NOXO1: variants seen among roughly 807,000 people sequenced by gnomAD.
NOXO1 encodes NADPH oxidase organizer 1.
In NOXO1, 38 loss-of-function variants were observed where a neutral mutation model predicts 33.3. That is an observed-to-expected ratio of 1.14 (90% confidence interval 0.88 to 1.50). The LOEUF (loss-of-function observed/expected upper bound fraction) is 1.50, where lower values mean the gene tolerates loss of function less well. Ranked by LOEUF, NOXO1 falls within the 40% of genes most tolerant of loss-of-function variation. The probability of loss-of-function intolerance (pLI) is 0.00; values close to 1 mark genes in which losing one functional copy is unlikely to be tolerated. For synonymous variants in NOXO1, 302 were observed against 237.3 expected (o/e 1.27, Z -2.51); for missense variants, 675 against 527.1 (o/e 1.28, Z -2.75).
Position 1,979,176 on chromosome 16 carries a change from G to T in NOXO1, c.992C>A (p.Ser331Ter). ...GCAGCGGCTCTGGATGGCGCCCGGC[G>T]AAGGTCGGGTGGGCACGGTGGGGGG... ...APPPTVPTRP[S>*]PGAIQSRCCT... The change falls in exon 8 of 8, where the codon TCG becomes TAG. Residue 331 changes from serine (S) to a stop codon, truncating the protein, a stop_gained. Transcript: ENST00000356120. LOFTEE classifies it low-confidence loss of function (END_TRUNC). 1 of 1,456,254 alleles carries T rather than the reference G, an allele frequency of 6.9e-7. No individual in the cohort carries two copies. Among genetic ancestry groups the T allele is most frequent in the Non-Finnish European group, 9.0e-7 (1 of 1,113,314 alleles). 90.2% of individuals were successfully genotyped at this position (1,456,254 alleles called of 1,614,324 possible). A position where few individuals can be genotyped will look rare whatever the true frequency, so the allele number is the denominator to read the frequency against.
At position 1,979,121 on chromosome 16, in the gene NOXO1, C is replaced by A; in HGVS notation, c.1047G>T (p.Arg349=). The part of the protein sequence containing the change: ...CCTVTRRALE[R]RPRRQGRPRG... ...GAGGGCGGCCCTGGCGCCGTGGGCG[C>A]CGCTCCAGGGCCCTGCGTGTGACGG... The change falls in exon 8 of 8, where the codon CGG becomes CGT. Residue 349 remains arginine, a synonymous_variant. Transcript: ENST00000356120. The A allele has an allele frequency of 6.7e-7, 1 of 1,488,632 alleles. No homozygotes were observed. Among genetic ancestry groups the A allele is most frequent in the Non-Finnish European group, 8.8e-7 (1 of 1,133,872 alleles). The allele number at this position is 1,488,632 out of a possible 1,614,324, so 92.2% of individuals were successfully genotyped here.
chr16:1,980,919 G>T lies in NOXO1; in HGVS notation c.147+20C>A, dbSNP rs766699049. The T allele has an allele frequency of 6.2e-7, 1 of 1,607,516 alleles. No individual in the cohort carries two copies. The highest frequency in any genetic ancestry group is 2.2e-5 in the East Asian group (1 of 44,820). On this transcript the variant is annotated intron_variant, in intron 2 of 7. Transcript: ENST00000356120. The stretch of plus-strand genomic sequence containing the variant: ...GGGGAAGCCGCCACCGCGGCATCAG[G>T]GTGGCCCAGGGTCACTCACCTTGAG...
In NOXO1 at chr16:1,979,523, G is replaced by T. The variant is rs150628810; in HGVS notation, c.720C>A (p.Ser240=). 1.2e-6 allele frequency: 2 copies of T among 1,611,112 alleles called. No homozygotes were observed. The highest frequency in any genetic ancestry group is 2.7e-5 in the African/African-American group (2 of 74,878). Residue 240 remains serine, a synonymous_variant, in exon 7 of 8, where the codon TCC becomes TCA. Transcript: ENST00000356120. ...LGSSGPQFCA[S]RAYESSRADE... ...CTGCGCGGCTGCTCTCGTAGGCGCG[G>T]GAAGCACAGAACTGGGGACCTGGTG...
chr16:1,980,384 G>C lies in NOXO1; in HGVS notation c.384C>G (p.Pro128=). 6.2e-7 allele frequency: 1 copy of C among 1,601,524 alleles called. No homozygotes were observed. ...TCAGGCACCTGCCGGGTGGCAGCGCGGGCTCCAGGTCCAGGGGTTGCGGTG... is the reference window on the plus strand; with the variant it reads ...TCAGGCACCTGCCGGGTGGCAGCGCCGGCTCCAGGTCCAGGGGTTGCGGTG... The part of the protein sequence containing the change: ...FFAPQPLDLE[P]ALPPGSRVIL... Residue 128 remains proline (P), a synonymous_variant, in exon 4 of 8, where the codon CCC becomes CCG. Transcript: ENST00000356120.
chr16:1,980,211 G>A (rs1008102961), intron 4 of NOXO1, 30 bp from the exon 5 acceptor site: 29 of 1,573,988 alleles, frequency 1.8e-5, no homozygotes, highest in Admixed American at 5.5e-5. Flanking sequence ...CGAGTGAGAG[G>A]TAGGCGGATG....
At position 1,979,906 on chromosome 16, in the gene NOXO1, G is replaced by C; in HGVS notation, c.587-3C>G. On this transcript the variant is annotated splice_polypyrimidine_tract_variant and splice_region_variant and intron_variant, in intron 5 of 7. Coordinates refer to ENST00000356120, the MANE Select transcript of NOXO1 (RefSeq NM_172167.3). Reference sequence around the variant, plus strand: ...TTCGTTCTCCACCAGCCACCAGCCTGTGCGCAAGAAGCGGGCAGGGACTCA... The same window carrying C: ...TTCGTTCTCCACCAGCCACCAGCCTCTGCGCAAGAAGCGGGCAGGGACTCA... 6.3e-7 allele frequency: 1 copy of C among 1,581,886 alleles called. No homozygotes were observed. The highest frequency in any genetic ancestry group is 8.6e-7 in the Non-Finnish European group (1 of 1,164,638).
intron 3 of NOXO1, 22 bp from the exon 4 acceptor site, chr16:1,980,566 ACT>A: frequency 6.3e-7 from 1 of 1,598,650 alleles, no homozygotes; most frequent in Non-Finnish European, 8.5e-7. Flanking sequence ...ACAAAAACGT[ACT>A]GTGATACGCC....
chr16:1,979,708 C>A, intron 6 of NOXO1, 82 bp downstream of exon 6: 1 of 1,275,052 alleles, frequency 7.8e-7, no homozygotes, highest in Non-Finnish European at 1.1e-6. Context: ...TCCTGGCCCG[C>A]CCTGCCCGCG....
At position 1,980,697 on chromosome 16, in the gene NOXO1, C is replaced by T; in HGVS notation, c.182G>A (p.Gly61Asp). ...AACGCGGTCAGATCTCCGCAGCAGG[C>T]CCGCCTCCACCGGGAAGGTCTCCTT... is the stretch of plus-strand genomic sequence containing the variant. ...TLKETFPVEA[G>D]LLRRSDRVLP... The change falls in exon 3 of 8, where the codon GGC becomes GAC. Residue 61 changes from glycine (G) to aspartate (D), a missense_variant. Transcript: ENST00000356120. The T allele has an allele frequency of 6.2e-7, 1 of 1,606,222 alleles. No individual in the cohort carries two copies. The highest frequency in any genetic ancestry group is 8.5e-7 in the Non-Finnish European group (1 of 1,176,804).
At position 1,979,374 on chromosome 16, in the gene NOXO1, G is replaced by A. The variant is rs754822620; in HGVS notation, c.819-25C>T. 9.4e-6 allele frequency: 15 copies of A among 1,588,072 alleles called. No homozygotes were observed. In the African/African-American group the frequency reaches 1.5e-4, roughly 16 times the overall value. On this transcript the variant is annotated intron_variant, in intron 7 of 7. Transcript: ENST00000356120. ...CCTGCGAGGGGCGGGGTGTGGTTAG[G>A]GCCCCGCCCGCCTCGGCTAGCCTGC...
Position 1,979,538 on chromosome 16 carries a change from G to T in NOXO1, c.705C>A (p.Pro235=), listed in dbSNP as rs748032662. Residue 235 remains proline, a synonymous_variant, in exon 7 of 8, where the codon CCC becomes CCA. Transcript: ENST00000356120. ...CGTAGGCGCGGGAAGCACAGAACTGGGGACCTGGTGGGAGTGGGTGTTTGG... is the reference window on the plus strand; with the variant it reads ...CGTAGGCGCGGGAAGCACAGAACTGTGGACCTGGTGGGAGTGGGTGTTTGG... The part of the protein sequence containing the change: ...EGGPSLGSSG[P]QFCASRAYES... 1 of 1,608,622 alleles carries T rather than the reference G, an allele frequency of 6.2e-7. No individual in the cohort carries two copies. Among genetic ancestry groups the T allele is most frequent in the African/African-American group, 1.3e-5 (1 of 74,948 alleles).
chr16:1,980,118 G>A lies in NOXO1; in HGVS notation c.465C>T (p.Ile155=). ...PLSRAAGRLS[I]HSLEAQSLRC... is the part of the protein sequence containing the mutation. ...GCAGGCTCTGAGCCTCCAGACTGTG[G>A]ATGGAGAGGCGGCCCGCAGCGCGAG... Residue 155 remains isoleucine (I), a synonymous_variant, in exon 5 of 8, where the codon ATC becomes ATT. Transcript: ENST00000356120. The A allele has an allele frequency of 6.2e-7, 1 of 1,608,386 alleles. No individual in the cohort carries two copies. Among genetic ancestry groups the A allele is most frequent in the Non-Finnish European group, 8.5e-7 (1 of 1,178,970 alleles).
chr16:1,980,787 G>A (rs975339367), intron 2 of NOXO1, 56 bp from the exon 3 acceptor site: 33 of 1,533,832 alleles, frequency 2.2e-5, no homozygotes, highest in Non-Finnish European at 7.1e-6. Context: ...ACCCTTGAGA[G>A]GGCGGGGTCC....
chr16:1,980,695 G>A lies in NOXO1; in HGVS notation c.184C>T (p.Leu62=), dbSNP rs1199553970. 2.5e-6 allele frequency: 4 copies of A among 1,606,874 alleles called. No homozygotes were observed. Among genetic ancestry groups the A allele is most frequent in the Non-Finnish European group, 2.5e-6 (3 of 1,177,076 alleles). ...LKETFPVEAG[L]LRRSDRVLPK... Reference sequence around the variant, plus strand: ...AGAACGCGGTCAGATCTCCGCAGCAGGCCCGCCTCCACCGGGAAGGTCTCC... The same window carrying A: ...AGAACGCGGTCAGATCTCCGCAGCAAGCCCGCCTCCACCGGGAAGGTCTCC... The change falls in exon 3 of 8, where the codon CTG becomes TTG. Residue 62 remains leucine, a synonymous_variant. Coordinates refer to ENST00000356120, the MANE Select transcript of NOXO1 (RefSeq NM_172167.3).
rs746511582 is a variant in NOXO1, at chr16:1,979,335, G to C, written c.833C>G (p.Ala278Gly). The C allele has an allele frequency of 6.4e-7, 1 of 1,574,770 alleles. No homozygotes were observed. The highest frequency in any genetic ancestry group is 8.6e-7 in the Non-Finnish European group (1 of 1,167,760). The part of the protein sequence containing the change: ...GWWLCRYGDR[A>G]GLLPAVLLRP... ...CAGCAGCACCGCGGGGAGTAGGCCC[G>C]CCCGGTCGCCGTACCTGCGAGGGGC... Residue 278 changes from alanine to glycine, a missense_variant, in exon 8 of 8, where the codon GCG (alanine) becomes GGG (glycine). By Grantham distance (60) the Ala-to-Gly change is moderately conservative (BLOSUM62 0). Coordinates refer to ENST00000356120, the MANE Select transcript of NOXO1 (RefSeq NM_172167.3).
chr16:1,979,736 T>C, intron 6 of NOXO1, 54 bp downstream of exon 6: 1 of 1,386,168 alleles, frequency 7.2e-7, no homozygotes, highest in Non-Finnish European at 9.7e-7. Context: ...TGGCCCAGTC[T>C]TGCCACACGG....
rs1337151452 is a variant in NOXO1, at chr16:1,979,195, T to TG, written c.972dup (p.Thr325HisfsTer88). 4.2e-6 allele frequency: 6 copies of TG among 1,412,202 alleles called. No homozygotes were observed. The highest frequency in any genetic ancestry group is 5.3e-5 in the Admixed American group (2 of 37,392). 87.5% of individuals were successfully genotyped at this position (1,412,202 alleles called of 1,614,324 possible). ...CCCGGCGAAGGTCGGGTGGGCACGGTGGGGGGAGGGGCGGTGGCCTGGGAG... is the reference window on the plus strand; with the variant it reads ...CCCGGCGAAGGTCGGGTGGGCACGGTGGGGGGGAGGGGCGGTGGCCTGGGAG... On this transcript the variant is annotated frameshift_variant, in exon 8 of 8. Transcript: ENST00000356120. LOFTEE classifies it low-confidence loss of function (END_TRUNC).
At chr16:1,979,611 A>G in intron 6 of NOXO1, 69 bp from the exon 7 acceptor site, 1 of 1,415,756 alleles carries the variant, frequency 7.1e-7, no homozygotes, top group Non-Finnish European at 9.8e-7. Flanking sequence ...ACCCTTCTCC[A>G]CATTCTCCTT....
At position 1,980,179 on chromosome 16, in the gene NOXO1, C is replaced by G. The variant is rs530197455; in HGVS notation, c.404G>C (p.Arg135Pro). The G allele has an allele frequency of 5.6e-6, 9 of 1,597,992 alleles. No homozygotes were observed. Among genetic ancestry groups the G allele is most frequent in the Non-Finnish European group, 7.7e-6 (9 of 1,175,260 alleles). The change falls in exon 5 of 8, where the codon CGG becomes CCG. Residue 135 changes from arginine (R) to proline (P), a missense_variant and splice_region_variant. Arg to Pro is a moderately radical substitution (Grantham distance 103). Coordinates refer to ENST00000356120, the MANE Select transcript of NOXO1 (RefSeq NM_172167.3). ...DLEPALPPGS[R>P]VILPTPEEQP... Reference sequence around the variant, plus strand: ...CTCCTCTGGGGTGGGCAGGATCACCCGGCTGGGAAGGGCAGCCCGTACGAG... The same window carrying G: ...CTCCTCTGGGGTGGGCAGGATCACCGGGCTGGGAAGGGCAGCCCGTACGAG...
Sources: allele counts gnomAD v4.1 joint callset, GRCh38; gene constraint gnomAD v4.1.1; transcripts MANE v1.5; gene names NCBI Gene and HGNC (gene_info 2026-07-23, HGNC 2026-07-21).